The following THNSL1 variants were observed in gnomAD, a reference collection of about 807,000 sequenced individuals.
THNSL1 encodes threonine synthase like 1.
THNSL1 carries 48 observed loss-of-function variants against 50.4 expected under a neutral mutation model. That is an observed-to-expected ratio of 0.95 (90% CI 0.76 to 1.21). The LOEUF (loss-of-function observed/expected upper bound fraction) is 1.21. Among genes scored for constraint, THNSL1 ranks in the 50% most tolerant of loss-of-function variants. The probability of loss-of-function intolerance (pLI) is 0.00; values close to 1 mark genes in which losing one functional copy is unlikely to be tolerated. For missense variants in THNSL1, 896 were observed against 871.7 expected (o/e 1.03, Z -0.35); for synonymous variants, 309 against 306.1 (o/e 1.01, Z -0.10).
chr10:24,960,518 CT>C, the THNSL1 span, among the ~76,000 whole-genome samples: 44 of 152,086 alleles, frequency 2.9e-4, 1 homozygote, highest in African/African-American at 8.9e-4. Context: ...CCTCCACCTC[CT>C]GAGTTCAAGC....
the THNSL1 span, among the ~76,000 whole-genome samples, chr10:24,994,627 C>G: frequency 1.3e-5 from 2 of 152,212 alleles, no homozygotes; most frequent in South Asian, 2.1e-4. Flanking sequence ...CTGTGCCCAG[C>G]CTGCATTCAT....
At chr10:24,985,631 T>A in the THNSL1 span, among the ~76,000 whole-genome samples, 1 of 152,246 alleles carries the variant, frequency 6.6e-6, no homozygotes, top group Non-Finnish European at 1.5e-5. Flanking sequence ...TTAGGAGCAA[T>A]AAAAGTTATT....
chr10:24,970,421 A>T, the THNSL1 span, among the ~76,000 whole-genome samples: 90 of 152,310 alleles, frequency 5.9e-4, no homozygotes, highest in African/African-American at 2.1e-3. Flanking sequence ...AGATATTTGC[A>T]TATCCAGGAA....
Position 25,023,176 on chromosome 10 carries a change from G to A in THNSL1, c.-48G>A. The A allele has an allele frequency of 6.4e-7, 1 of 1,554,528 alleles. No homozygotes were observed. Among genetic ancestry groups the A allele is most frequent in the Non-Finnish European group, 8.7e-7 (1 of 1,151,822 alleles). ...TTTGTTTGTTTTGTGTTTTGAAAAG[G>A]GCTAAAGCCAATTTTTAGGTTGGCT... On this transcript the variant is annotated splice_region_variant and 5_prime_UTR_variant, in exon 3 of 3. Coordinates refer to ENST00000376356, the MANE Select transcript of THNSL1 (RefSeq NM_024838.5).
chr10:25,012,458 G>A (rs913355623), upstream of THNSL1, among the ~76,000 whole-genome samples: 1 of 152,216 alleles, frequency 6.6e-6, no homozygotes. Context: ...AATGGGGGCT[G>A]TACTGTGCCA....
chr10:25,017,204 C>G (rs180758055), intron 1 of THNSL1, among the ~76,000 whole-genome samples: 1 of 152,168 alleles, frequency 6.6e-6, no homozygotes, highest in African/African-American at 2.4e-5. Context: ...CGTTTTTGTC[C>G]AGTTTTTGGT....
chr10:24,968,744 G>A, the THNSL1 span, among the ~76,000 whole-genome samples: 2,015 of 152,236 alleles, frequency 0.013, 56 homozygotes, highest in African/African-American at 0.046. Flanking sequence ...CCAATTGTTC[G>A]AAAACCCATA....
chr10:24,999,572 G>T, the THNSL1 span: 2 of 1,560,150 alleles, frequency 1.3e-6, no homozygotes, highest in Non-Finnish European at 8.7e-7. Context: ...AAAAGTTGTA[G>T]CATTTATACT....
the THNSL1 span, chr10:24,984,710 G>T: frequency 1.9e-6 from 3 of 1,566,602 alleles, no homozygotes; most frequent in East Asian, 2.3e-5. Context: ...CATTGAAATT[G>T]TTATACTTTA....
At position 25,023,857 on chromosome 10, in the gene THNSL1, G is replaced by T; in HGVS notation, c.634G>T (p.Val212Leu). The change falls in exon 3 of 3, where the codon GTA becomes TTA. Residue 212 changes from valine to leucine, a missense_variant. Val to Leu is a conservative substitution (Grantham distance 32). Coordinates refer to ENST00000376356, the MANE Select transcript of THNSL1 (RefSeq NM_024838.5). The part of the protein sequence containing the change: ...FCESGASPEE[V>L]ADKVLNAIKR... ...TGAAAGTGGGGCTTCCCCAGAGGAG[G>T]TAGCTGACAAAGTGCTGAATGCAAT... is the stretch of plus-strand genomic sequence containing the variant. The T allele has an allele frequency of 6.2e-7, 1 of 1,614,194 alleles. No individual in the cohort carries two copies. The highest frequency in any genetic ancestry group is 8.5e-7 in the Non-Finnish European group (1 of 1,180,030).
the THNSL1 span, among the ~76,000 whole-genome samples, chr10:25,007,415 CTTAT>C: frequency 9.5e-3 from 1,437 of 152,040 alleles, 20 homozygotes; most frequent in African/African-American, 0.03. Flanking sequence ...GTATAGGTTT[CTTAT>C]TTATTTATTT....
the THNSL1 span, among the ~76,000 whole-genome samples, chr10:24,968,221 A>G: frequency 6.6e-6 from 1 of 152,150 alleles, no homozygotes; most frequent in Non-Finnish European, 1.5e-5. Flanking sequence ...CCAGGCCCAG[A>G]GGAAAGAACT....
chr10:24,967,597 C>T, the THNSL1 span, among the ~76,000 whole-genome samples: 40 of 152,142 alleles, frequency 2.6e-4, no homozygotes, highest in Non-Finnish European at 5.1e-4. Flanking sequence ...TCCTGACCCT[C>T]CTTTATGCCT....
chr10:25,014,137 A>G (rs1214257833), upstream of THNSL1, among the ~76,000 whole-genome samples: 1 of 152,146 alleles, frequency 6.6e-6, no homozygotes, highest in African/African-American at 2.4e-5. Context: ...GGTCACATAC[A>G]TTCATCTTCT....
chr10:24,988,815 G>A, the THNSL1 span, among the ~76,000 whole-genome samples: 6 of 151,198 alleles, frequency 4.0e-5, no homozygotes, highest in Admixed American at 2.6e-4. Context: ...TGAAGAATGA[G>A]CAGAATGTGG....
chr10:24,988,691 T>C, the THNSL1 span, among the ~76,000 whole-genome samples: 1 of 31,852 alleles, frequency 3.1e-5, no homozygotes, highest in Non-Finnish European at 5.5e-5. Context: ...TATATATATA[T>C]ATATATATAT....
At chr10:24,957,915 A>G in the THNSL1 span, among the ~76,000 whole-genome samples, 1 of 152,246 alleles carries the variant, frequency 6.6e-6, no homozygotes, top group Non-Finnish European at 1.5e-5. Context: ...ACCATGGTGA[A>G]AACACAAATA....
the THNSL1 span, among the ~76,000 whole-genome samples, chr10:24,998,193 C>T: frequency 1.3e-5 from 2 of 152,208 alleles, no homozygotes; most frequent in Admixed American, 1.3e-4. Context: ...ACATCGCTAG[C>T]CGGGCTTGAG....
At chr10:25,010,445 TTTA>T in the THNSL1 span, among the ~76,000 whole-genome samples, 31 of 151,954 alleles carry the variant, frequency 2.0e-4, no homozygotes, top group South Asian at 4.2e-4. Flanking sequence ...ACTCATTTTT[TTTA>T]TTATTATTAT....
Sources: gnomAD v4.1 joint callset for allele counts (sites outside exome capture counted in the v4.1 genomes callset) on GRCh38, gnomAD v4.1.1 for gene constraint, MANE v1.5 for transcripts, NCBI Gene and HGNC (gene_info 2026-07-23, HGNC 2026-07-21) for gene names.